CPNE9: variants seen among roughly 807,000 people sequenced by gnomAD.
CPNE9 encodes the protein copine-9.
CPNE9 carries 59 observed loss-of-function variants against 83.0 expected under a neutral mutation model. The ratio of observed to expected loss-of-function variants is 0.71; its 90% CI spans 0.58 to 0.88. The LOEUF (loss-of-function observed/expected upper bound fraction) is 0.88. Among genes scored for constraint, CPNE9 ranks in the 40% least tolerant of loss-of-function variants. The probability of loss-of-function intolerance (pLI) is 0.00; values close to 1 mark genes in which losing one functional copy is unlikely to be tolerated. For missense variants in CPNE9, 619 were observed against 720.8 expected (o/e 0.86, Z 1.62); for synonymous variants, 256 against 273.4 (o/e 0.94, Z 0.63).
chr3:9,704,081 G>A lies in CPNE9; in HGVS notation c.68+17G>A, dbSNP rs376974016. 3.1e-5 allele frequency: 49 copies of A among 1,600,076 alleles called. No homozygotes were observed. In the African/African-American group the frequency reaches 4.2e-4, roughly 14 times the overall value. ...GTCCTGCCGGTGAGCGGGCCGCGCT[G>A]GGGAGGGCTTAGGCACTGGCACTGC... On this transcript the variant is annotated intron_variant, in intron 1 of 20. Transcript: ENST00000383832. This position sits in a 1 kb window ranked among gnomAD's most constrained non-coding sequence, Gnocchi z 7.1.
intron 17 of CPNE9, among the ~76,000 whole-genome samples, chr3:9,724,923 G>GT (rs2076764480): frequency 6.6e-6 from 1 of 151,960 alleles, no homozygotes; most frequent in African/African-American, 2.4e-5. Flanking sequence ...CGCCTGGCTA[G>GT]TTTTTGTATT....
chr3:9,727,887 C>A (rs2076798038), intron 20 of CPNE9, among the ~76,000 whole-genome samples: 1 of 152,164 alleles, frequency 6.6e-6, no homozygotes, highest in Non-Finnish European at 1.5e-5. Context: ...CGATAAAGAT[C>A]TGGCTAGAAG....
chr3:9,718,480 CAAT>C lies in CPNE9; in HGVS notation c.1120_1122del (p.Asn374del), dbSNP rs751630498. On this transcript the variant is annotated inframe_deletion, in exon 17 of 21. Coordinates refer to ENST00000383832, the MANE Select transcript of CPNE9 (RefSeq NM_153635.3). ...CAGGGCATATTCTTTGACAGAACAA[CAAT>C]GATGAGGACCCCAACTGTGCGGGCA... The C allele has an allele frequency of 1.4e-5, 22 of 1,612,698 alleles. No homozygotes were observed. The highest frequency in any genetic ancestry group is 2.7e-5 in the African/African-American group (2 of 74,894).
chr3:9,705,074 C>T, intron 4 of CPNE9, 80 bp downstream of exon 4: 1 of 1,056,772 alleles, frequency 9.5e-7, no homozygotes, highest in East Asian at 2.6e-5. Context: ...CCACCCCCGC[C>T]TCGCCTCCGG....
In CPNE9 at chr3:9,727,160, C is replaced by T. The variant is rs766854962; in HGVS notation, c.1450C>T (p.Arg484Cys). 21 of 1,614,032 alleles carry T rather than the reference C, an allele frequency of 1.3e-5. No homozygotes were observed. Among genetic ancestry groups the T allele is most frequent in the Admixed American group, 1.7e-5 (1 of 59,994 alleles). ...TGATGTGCGCGTGTCCTCTAGGGGA[C>T]GCTACGCAGAGCGGGACATCGTTCA... is the stretch of plus-strand genomic sequence containing the variant. ...GDDVRVSSRG[R>C]YAERDIVQFV... The change falls in exon 20 of 21, where the codon CGC becomes TGC. Residue 484 changes from arginine (R) to cysteine (C), a missense_variant. This residue lies in a region of CPNE9 where 438 missense variants were observed against 562.9 expected (regional missense o/e 0.78). Transcript: ENST00000383832.
chr3:9,714,855 G>A (rs2076665428), intron 10 of CPNE9, 59 bp from the exon 11 acceptor site: 2 of 1,428,474 alleles, frequency 1.4e-6, no homozygotes, highest in African/African-American at 1.4e-5. Context: ...TTAAGTGTAT[G>A]AGGGTGTCTC....
chr3:9,714,912 A>G lies in CPNE9; in HGVS notation c.651-2A>G. The G allele has an allele frequency of 6.2e-7, 1 of 1,613,646 alleles. No homozygotes were observed. The highest frequency in any genetic ancestry group is 1.1e-5 in the South Asian group (1 of 91,046). ...AGGGTATGTTTATCTCCTACATTTCAGAACGGTGAAGATTGATGTGTACGA... is the reference window on the plus strand; with the variant it reads ...AGGGTATGTTTATCTCCTACATTTCGGAACGGTGAAGATTGATGTGTACGA... On this transcript the variant is annotated splice_acceptor_variant, in intron 10 of 20. Coordinates refer to ENST00000383832, the MANE Select transcript of CPNE9 (RefSeq NM_153635.3). LOFTEE classifies it high-confidence loss of function.
chr3:9,716,607 A>T (rs1258195026), intron 14 of CPNE9, among the ~76,000 whole-genome samples: 1 of 152,032 alleles, frequency 6.6e-6, no homozygotes. Flanking sequence ...AGTAGCTGGG[A>T]TTACAGGCAT....
intron 6 of CPNE9, 124 bp from the exon 7 acceptor site, chr3:9,705,863 C>A: frequency 1.5e-6 from 2 of 1,334,906 alleles, no homozygotes; most frequent in Non-Finnish European, 2.1e-6. Context: ...CATGTAGGGC[C>A]GTGGCTCTTG....
chr3:9,713,244 C>A (rs1276774308), intron 10 of CPNE9, among the ~76,000 whole-genome samples, 165 bp downstream of exon 10: 1 of 152,276 alleles, frequency 6.6e-6, no homozygotes, highest in East Asian at 1.9e-4. Flanking sequence ...GATGGATAGC[C>A]ACACAGATGG....
rs761056809 is a variant in CPNE9 at position 9,706,063 on chromosome 3, C to T, written c.377C>T (p.Thr126Met). The T allele has an allele frequency of 1.1e-5, 18 of 1,613,112 alleles. No individual in the cohort carries two copies. The highest frequency in any genetic ancestry group is 1.7e-5 in the Admixed American group (1 of 59,998). ...GQGSRVERTL[T>M]GVPGKKCGTI... ...GGCAGCCGAGTAGAGCGAACCCTCACGTAAGCTGAATAGGAAGGGGTGTGG... is the reference window on the plus strand; with the variant it reads ...GGCAGCCGAGTAGAGCGAACCCTCATGTAAGCTGAATAGGAAGGGGTGTGG... The change falls in exon 7 of 21, where the codon ACG (threonine) becomes ATG (methionine). Residue 126 changes from threonine to methionine, a missense_variant and splice_region_variant. By Grantham distance (81) the Thr-to-Met change is moderately conservative. Transcript: ENST00000383832.
chr3:9,711,478 A>G (rs941541640), intron 7 of CPNE9, among the ~76,000 whole-genome samples: 2 of 152,142 alleles, frequency 1.3e-5, no homozygotes, highest in African/African-American at 2.4e-5. Flanking sequence ...AGGCCTCCCA[A>G]AGTGCTGGGA....
chr3:9,716,098 C>T, intron 14 of CPNE9, 63 bp downstream of exon 14: 1 of 1,439,946 alleles, frequency 6.9e-7, no homozygotes, highest in South Asian at 1.2e-5. Context: ...GTTCTGAGCC[C>T]CAGGTTTCTT....
rs959122967 is a variant in CPNE9 at position 9,704,515 on chromosome 3, C to G, written c.69-72C>G. On this transcript the variant is annotated intron_variant, in intron 1 of 20. Transcript: ENST00000383832. The surrounding 1 kb of genome is among the most constrained non-coding windows in gnomAD (Gnocchi z 7.1). ...CGGGCCCCATGCCTCTCCTCAGTGC[C>G]CGGCTCAGAGCCGACTCGAGGCGGG... 7.4e-7 allele frequency: 1 copy of G among 1,353,470 alleles called. No homozygotes were observed. The allele number at this position is 1,353,470 out of a possible 1,614,324, so 83.8% of individuals were successfully genotyped here.
chr3:9,717,016 T>A (rs578003561), intron 14 of CPNE9, 42 bp from the exon 15 acceptor site: 1 of 1,598,236 alleles, frequency 6.3e-7, no homozygotes, highest in South Asian at 1.1e-5. Context: ...GATGTAATAA[T>A]CATTAGTTCC....
rs1226951707 is a variant in CPNE9, at chr3:9,712,603, G to A, written c.440G>A (p.Arg147Gln). ...LLTAEELSNC[R>Q]DIATMQLCAN... Reference sequence around the variant, plus strand: ...ACTGCAGAAGAGCTTAGCAATTGTCGGGTCAGTAAGGGCCACATGCTAGAC... The same window carrying A: ...ACTGCAGAAGAGCTTAGCAATTGTCAGGTCAGTAAGGGCCACATGCTAGAC... Residue 147 changes from arginine (R) to glutamine (Q), a missense_variant and splice_region_variant, in exon 8 of 21, where the codon CGG becomes CAG. Coordinates refer to ENST00000383832, the MANE Select transcript of CPNE9 (RefSeq NM_153635.3). 23 of 1,613,630 alleles carry A rather than the reference G, an allele frequency of 1.4e-5. No individual in the cohort carries two copies. The highest frequency in any genetic ancestry group is 1.5e-5 in the Non-Finnish European group (18 of 1,179,702).
At chr3:9,721,923 G>GTT (rs570054741) in intron 17 of CPNE9, among the ~76,000 whole-genome samples, 4 of 144,584 alleles carry the variant, frequency 2.8e-5, no homozygotes, top group Non-Finnish European at 3.1e-5. Flanking sequence ...TTTGTTTTTA[G>GTT]TTTTTTTTTT....
In CPNE9 at chr3:9,715,998, G is replaced by T; in HGVS notation, c.847G>T (p.Asp283Tyr). Residue 283 changes from aspartate to tyrosine, a missense_variant, in exon 14 of 21, where the codon GAC becomes TAC. Asp to Tyr is a radical substitution (Grantham distance 160, BLOSUM62 -3). Around this residue, in one of 3 missense-constraint regions of CPNE9, gnomAD observed 438 missense variants for 562.9 expected, o/e 0.78. Coordinates refer to ENST00000383832, the MANE Select transcript of CPNE9 (RefSeq NM_153635.3). ...GGTGACGCTGCTCTCCTTCTCTGTG[G>T]ACTCTGAATTCACTTTTGTTGATTA... The part of the protein sequence containing the change: ...GTVTLLSFSV[D>Y]SEFTFVDYIK... 6.2e-7 allele frequency: 1 copy of T among 1,611,990 alleles called. No homozygotes were observed. The highest frequency in any genetic ancestry group is 1.7e-4 in the Middle Eastern group (1 of 6,050).
At position 9,716,025 on chromosome 3, in the gene CPNE9, A is replaced by G. The variant is rs2076681106; in HGVS notation, c.874A>G (p.Ile292Val). 3 of 1,609,666 alleles carry G rather than the reference A, an allele frequency of 1.9e-6. No homozygotes were observed. The highest frequency in any genetic ancestry group is 1.1e-5 in the South Asian group (1 of 89,892). ...CTCTGAATTCACTTTTGTTGATTAC[A>G]TCAAGGGAGGGTGAGTCACAGGCCA... ...VDSEFTFVDY[I>V]KGGTQLNFTV... Residue 292 changes from isoleucine (I) to valine (V), a missense_variant, in exon 14 of 21, where the codon ATC (isoleucine) becomes GTC (valine). Around this residue, in one of 3 missense-constraint regions of CPNE9, gnomAD observed 438 missense variants for 562.9 expected, o/e 0.78. Transcript: ENST00000383832.
Sources: allele counts gnomAD v4.1 joint callset (sites outside exome capture counted in the v4.1 genomes callset), GRCh38; gene constraint gnomAD v4.1.1; regional missense constraint gnomAD v4.1.1; non-coding constraint Gnocchi (gnomAD v3.1); transcripts MANE v1.5; gene names NCBI Gene and HGNC (gene_info 2026-07-23, HGNC 2026-07-21).